The following MYO1E variants were observed in gnomAD, a reference collection of about 807,000 sequenced individuals.
MYO1E encodes the protein myosin IE, also known as unconventional myosin-Ie.
Under a neutral mutation model 151.1 loss-of-function variants are expected in MYO1E, and 68 were observed. The ratio of observed to expected loss-of-function variants is 0.45; its 90% CI spans 0.37 to 0.55. The LOEUF (loss-of-function observed/expected upper bound fraction) is 0.55, where lower values mean the gene tolerates loss of function less well. Among genes scored for constraint, MYO1E ranks in the 20% least tolerant of loss-of-function variants. The pLI is 0.00. For missense variants in MYO1E, 1,363 were observed against 1,389.3 expected (o/e 0.98, Z 0.30); for synonymous variants, 601 against 501.7 (o/e 1.20, Z -2.64).
At chr15:59,287,156 G>A (rs2080392230) in intron 1 of MYO1E, among the ~76,000 whole-genome samples, 1 of 152,226 alleles carries the variant, frequency 6.6e-6, no homozygotes, top group Non-Finnish European at 1.5e-5. Flanking sequence ...AGAAGGGGTG[G>A]GGAAAATTAA....
chr15:59,161,390 A>G (rs1173252799), intron 23 of MYO1E, among the ~76,000 whole-genome samples, 160 bp from the exon 24 acceptor site: 3 of 152,202 alleles, frequency 2.0e-5, no homozygotes, highest in African/African-American at 4.8e-5. Context: ...CACCGCATCC[A>G]TGGGGTGGCA....
At chr15:59,158,437 A>T in intron 24 of MYO1E, 58 bp from the exon 25 acceptor site, 1 of 1,367,328 alleles carries the variant, frequency 7.3e-7, no homozygotes, top group South Asian at 1.2e-5. Flanking sequence ...ATGGATCCTC[A>T]TGGTTCTTTG....
At chr15:59,283,343 C>T (rs1307716198) in intron 1 of MYO1E, among the ~76,000 whole-genome samples, 1 of 152,010 alleles carries the variant, frequency 6.6e-6, no homozygotes, top group African/African-American at 2.4e-5. Context: ...CCCACTGTCC[C>T]CCAGCTTAGG....
chr15:59,218,277 G>A (rs762470351), intron 9 of MYO1E, 190 bp from the exon 10 acceptor site: 1 of 713,590 alleles, frequency 1.4e-6, no homozygotes, highest in Non-Finnish European at 2.5e-6. Flanking sequence ...CATCTCCTTT[G>A]TTTTTCCCAA....
chr15:59,154,877 G>A (rs533056591), intron 25 of MYO1E, among the ~76,000 whole-genome samples: 11 of 152,108 alleles, frequency 7.2e-5, no homozygotes, highest in Non-Finnish European at 1.5e-4. Flanking sequence ...TTTGAACCAC[G>A]GTTTTATCAG....
In MYO1E at chr15:59,136,449, C is replaced by T; in HGVS notation, c.*931G>A. 3.9e-6 allele frequency: 1 copy of T among 253,872 alleles called. No homozygotes were observed. Among genetic ancestry groups the T allele is most frequent in the Non-Finnish European group, 8.1e-6 (1 of 123,182 alleles). The allele number at this position is 253,872 out of a possible 1,614,324, so 15.7% of individuals were successfully genotyped here. A position where few individuals can be genotyped will look rare whatever the true frequency, so the allele number is the denominator to read the frequency against. On this transcript the variant is annotated 3_prime_UTR_variant, in exon 28 of 28. Coordinates refer to ENST00000288235, the MANE Select transcript of MYO1E (RefSeq NM_004998.4). ...TAGGGAAAGAGTTGAGAAGAGTCTGCAGGGACTGACCTAGAAAGCAGTGAC... is the reference window on the plus strand; with the variant it reads ...TAGGGAAAGAGTTGAGAAGAGTCTGTAGGGACTGACCTAGAAAGCAGTGAC...
chr15:59,187,859 CA>C (rs1241249623), intron 18 of MYO1E, among the ~76,000 whole-genome samples: 1 of 152,118 alleles, frequency 6.6e-6, no homozygotes, highest in Non-Finnish European at 1.5e-5. Flanking sequence ...AAAGCATAGG[CA>C]AATCTATAGA....
At chr15:59,186,941 G>C (rs2079701997) in intron 18 of MYO1E, among the ~76,000 whole-genome samples, 2 of 152,178 alleles carry the variant, frequency 1.3e-5, no homozygotes, top group Non-Finnish European at 2.9e-5. Context: ...TTTAAGTATA[G>C]GTCCTGCCAA....
chr15:59,207,512 TCTTAA>T (rs1383414661), intron 14 of MYO1E: 9 of 1,613,930 alleles, frequency 5.6e-6, no homozygotes, highest in African/African-American at 5.3e-5. Flanking sequence ...CCAGTGGATA[TCTTAA>T]CTTATGTAGC....
At chr15:59,270,044 C>T (rs1444782928) in intron 2 of MYO1E, among the ~76,000 whole-genome samples, 1 of 152,118 alleles carries the variant, frequency 6.6e-6, no homozygotes, top group Non-Finnish European at 1.5e-5. Context: ...TCCAACAAAA[C>T]TGCTGTCCAA....
At chr15:59,152,652 T>C (rs2079488659) in intron 26 of MYO1E, among the ~76,000 whole-genome samples, 1 of 152,190 alleles carries the variant, frequency 6.6e-6, no homozygotes, top group South Asian at 2.1e-4. Flanking sequence ...TGTATATAAT[T>C]TCTAGTCCTC....
chr15:59,238,980 C>T (rs185383732), intron 4 of MYO1E, among the ~76,000 whole-genome samples: 50 of 151,246 alleles, frequency 3.3e-4, no homozygotes, highest in Admixed American at 2.4e-3. Flanking sequence ...CCAAGGTGGA[C>T]GGATCATTTG....
At chr15:59,344,457 G>T (rs1462250869) in intron 1 of MYO1E, among the ~76,000 whole-genome samples, 1 of 152,238 alleles carries the variant, frequency 6.6e-6, no homozygotes, top group Non-Finnish European at 1.5e-5. Flanking sequence ...GGGACTGCAG[G>T]TCTGACCTGA....
intron 16 of MYO1E, among the ~76,000 whole-genome samples, chr15:59,199,992 C>T (rs1249455834): frequency 6.6e-6 from 1 of 152,310 alleles, no homozygotes; most frequent in East Asian, 1.9e-4. Flanking sequence ...ATGCTGTACT[C>T]TCTTTAGGTA....
intron 1 of MYO1E, among the ~76,000 whole-genome samples, chr15:59,352,332 T>C (rs1319987467): frequency 6.6e-6 from 1 of 152,174 alleles, no homozygotes; most frequent in Non-Finnish European, 1.5e-5. Context: ...CCATCACACT[T>C]CCTCTGGGGA....
chr15:59,206,518 G>A (rs1162723813), intron 14 of MYO1E, among the ~76,000 whole-genome samples: 5 of 152,186 alleles, frequency 3.3e-5, no homozygotes, highest in African/African-American at 1.2e-4. Context: ...CCACCAGTAC[G>A]CAAAGCATAG....
intron 4 of MYO1E, among the ~76,000 whole-genome samples, chr15:59,253,770 C>T (rs1401726295): frequency 1.3e-5 from 2 of 151,956 alleles, no homozygotes; most frequent in Non-Finnish European, 2.9e-5. Context: ...CCACTCCCGG[C>T]GTCTAATGAA....
intron 18 of MYO1E, among the ~76,000 whole-genome samples, chr15:59,186,191 C>T (rs559266483): frequency 1.1e-4 from 16 of 152,270 alleles, no homozygotes; most frequent in South Asian, 4.1e-4. Flanking sequence ...CTCACCTCCA[C>T]GGTTATTAGG....
intron 18 of MYO1E, among the ~76,000 whole-genome samples, chr15:59,185,768 G>C (rs943701471): frequency 4.6e-5 from 7 of 152,200 alleles, no homozygotes; most frequent in Admixed American, 2.6e-4. Flanking sequence ...TTCCTCAACT[G>C]ACTGTGCCCT....
Sources: allele counts gnomAD v4.1 joint callset (sites outside exome capture counted in the v4.1 genomes callset), GRCh38; gene constraint gnomAD v4.1.1; transcripts MANE v1.5; gene names NCBI Gene and HGNC (gene_info 2026-07-23, HGNC 2026-07-21).